The following DCP1A variants were observed in gnomAD, a reference collection of about 807,000 sequenced individuals.
The protein encoded by DCP1A is mRNA-decapping enzyme 1A.
In DCP1A, 20 loss-of-function variants were observed where a neutral mutation model predicts 58.0. The ratio of observed to expected loss-of-function variants is 0.34; its 90% CI spans 0.24 to 0.50. DCP1A has a LOEUF of 0.50. Among genes scored for constraint, DCP1A ranks in the 20% least tolerant of loss-of-function variants. The pLI is 0.98. For missense variants in DCP1A, 613 were observed against 712.2 expected (o/e 0.86, Z 1.59); for synonymous variants, 285 against 275.1 (o/e 1.04, Z -0.36).
chr3:53,305,482 T>G lies in DCP1A; in HGVS notation c.511-1192A>C, dbSNP rs551816602. 5.9e-5 allele frequency among the ~76,000 whole-genome samples: 9 copies of G among 152,146 alleles called. 1 individual carries two copies. Among genetic ancestry groups the G allele is most frequent in the African/African-American group, 9.6e-5 (4 of 41,514 alleles). ...CTCTTGCCTCAGCCTCCTGAGTAGCTGGGATTACAGGCGCGCGCCACCACA... is the reference window on the plus strand; with the variant it reads ...CTCTTGCCTCAGCCTCCTGAGTAGCGGGGATTACAGGCGCGCGCCACCACA... On this transcript the variant is annotated intron_variant, in intron 5 of 9. Coordinates refer to ENST00000610213, the MANE Select transcript of DCP1A (RefSeq NM_018403.7).
chr3:53,298,211 T>C (rs1258084750), intron 6 of DCP1A, among the ~76,000 whole-genome samples: 1 of 152,118 alleles, frequency 6.6e-6, no homozygotes, highest in Non-Finnish European at 1.5e-5. Flanking sequence ...GAGTGAGACG[T>C]TGTCTCTACA....
intron 3 of DCP1A, among the ~76,000 whole-genome samples, chr3:53,323,655 G>A (rs1049311230): frequency 6.6e-6 from 1 of 151,960 alleles, no homozygotes; most frequent in African/African-American, 2.4e-5. Context: ...ATCACCTGAG[G>A]TGAGGAGACC....
intron 6 of DCP1A, among the ~76,000 whole-genome samples, chr3:53,302,334 T>A (rs1315698849): frequency 2.0e-5 from 3 of 152,382 alleles, no homozygotes; most frequent in Middle Eastern, 6.8e-3. Context: ...ATTTGATATC[T>A]GTTCTTTTAT....
chr3:53,307,387 C>T (rs782584587), intron 5 of DCP1A, among the ~76,000 whole-genome samples: 41 of 152,222 alleles, frequency 2.7e-4, no homozygotes, highest in Non-Finnish European at 5.1e-4. Flanking sequence ...AAAACCTTAT[C>T]GGCAATAACT....
intron 3 of DCP1A, among the ~76,000 whole-genome samples, chr3:53,338,537 T>G (rs2089153761): frequency 6.6e-6 from 1 of 151,498 alleles, no homozygotes; most frequent in South Asian, 2.1e-4. Flanking sequence ...TCTTGAGGGG[T>G]GGGGTGGGTG....
rs1706632964 is a variant in DCP1A, at chr3:53,286,356, A to G, written c.*1224T>C. On this transcript the variant is annotated 3_prime_UTR_variant, in exon 10 of 10. Transcript: ENST00000610213. The stretch of plus-strand genomic sequence containing the variant: ...AATGACCTGTATCATAGAAACGAAG[A>G]CACTTTCATTCAAAGAATATCTTAA... The G allele has an allele frequency of 6.6e-6, 1 of 152,252 alleles. No individual in the cohort carries two copies. The allele number at this position is 152,252 out of a possible 1,614,324, so 9.4% of individuals were successfully genotyped here.
intron 6 of DCP1A, among the ~76,000 whole-genome samples, chr3:53,298,785 A>G (rs1233812746): frequency 1.3e-5 from 2 of 152,230 alleles, no homozygotes; most frequent in Non-Finnish European, 2.9e-5. Context: ...TGGAAATACT[A>G]TCATTTGGCA....
intron 7 of DCP1A, 136 bp from the exon 8 acceptor site, chr3:53,290,992 TC>T: frequency 2.6e-6 from 2 of 757,410 alleles, no homozygotes; most frequent in Non-Finnish European, 4.4e-6. Context: ...ATTAACTAGT[TC>T]CTAGATTCCC....
chr3:53,347,415 G>C lies in DCP1A; in HGVS notation c.103C>G (p.Leu35Val), dbSNP rs1553693273. The C allele has an allele frequency of 1.9e-6, 3 of 1,612,800 alleles. No homozygotes were observed. Among genetic ancestry groups the C allele is most frequent in the Non-Finnish European group, 2.5e-6 (3 of 1,179,328 alleles). ...TTGGCCTTGGGGCAGAAGGTGTACA[G>C]AGCGACCTGGCCCGTGAGGTCTGCG... is the stretch of plus-strand genomic sequence containing the variant. The part of the protein sequence containing the change: ...SIADLTGQVA[L>V]YTFCPKANQW... The change falls in exon 1 of 10, where the codon CTG becomes GTG. Residue 35 changes from leucine to valine, a missense_variant. This residue lies in a region of DCP1A where 65 missense variants were observed against 118.5 expected (regional missense o/e 0.55). Coordinates refer to ENST00000610213, the MANE Select transcript of DCP1A (RefSeq NM_018403.7).
intron 3 of DCP1A, among the ~76,000 whole-genome samples, chr3:53,333,402 C>G (rs1248588718): frequency 6.6e-6 from 1 of 152,086 alleles, no homozygotes; most frequent in Non-Finnish European, 1.5e-5. Flanking sequence ...CCTCGGCCTC[C>G]CAAAGTACTG....
intron 5 of DCP1A, among the ~76,000 whole-genome samples, chr3:53,306,397 CA>C (rs1707472404): frequency 6.6e-6 from 1 of 152,004 alleles, no homozygotes; most frequent in Non-Finnish European, 1.5e-5. Context: ...TTGTTCATAA[CA>C]AGTTCTTAAA....
At position 53,347,464 on chromosome 3, in the gene DCP1A, T is replaced by C. The variant is rs148239880; in HGVS notation, c.54A>G (p.Gln18=). 1.2e-6 allele frequency: 2 copies of C among 1,613,576 alleles called. No homozygotes were observed. Among genetic ancestry groups the C allele is most frequent in the Admixed American group, 1.7e-5 (1 of 59,992 alleles). The change falls in exon 1 of 10, where the codon CAA becomes CAG. Residue 18 remains glutamine, a synonymous_variant. Transcript: ENST00000610213. ...GQEMSLAALK[Q]HDPYITSIAD... is the part of the protein sequence containing the mutation. ...CGATGCTGGTGATATAGGGGTCGTG[T>C]TGCTTCAGGGCCGCTAGGCTCATCT...
At chr3:53,314,667 C>CTTTTTT (rs1167830951) in intron 4 of DCP1A, among the ~76,000 whole-genome samples, 964 of 86,506 alleles carry the variant, frequency 0.011, 1 homozygote, top group Non-Finnish European at 0.013. Context: ...TTTTCTTTTT[C>CTTTTTT]TTTTTTTTTT....
chr3:53,320,829 A>T (rs1301348522), intron 3 of DCP1A, among the ~76,000 whole-genome samples: 1 of 152,166 alleles, frequency 6.6e-6, no homozygotes, highest in Non-Finnish European at 1.5e-5. Context: ...CTATTTCTAC[A>T]ATGTTGTAAT....
chr3:53,291,463 A>C (rs1575592528), intron 7 of DCP1A, among the ~76,000 whole-genome samples: 2 of 144,196 alleles, frequency 1.4e-5, no homozygotes, highest in African/African-American at 2.6e-5. Flanking sequence ...CACCATCCCC[A>C]CCTCCCCCCA....
At chr3:53,304,708 G>C (rs1425615163) in intron 5 of DCP1A, among the ~76,000 whole-genome samples, 2 of 151,844 alleles carry the variant, frequency 1.3e-5, no homozygotes, top group Non-Finnish European at 2.9e-5. Flanking sequence ...GAGTAGCTGG[G>C]ATTACAGGTG....
At chr3:53,311,475 G>GA (rs1302185580) in intron 5 of DCP1A, among the ~76,000 whole-genome samples, 8 of 152,188 alleles carry the variant, frequency 5.3e-5, no homozygotes, top group East Asian at 3.9e-4. Flanking sequence ...ATAAATTAAC[G>GA]AAAGTACCAC....
At chr3:53,347,291 T>TA in intron 1 of DCP1A, 92 bp downstream of exon 1, 1 of 1,369,234 alleles carries the variant, frequency 7.3e-7, no homozygotes, top group African/African-American at 1.5e-5. Context: ...CCTGGCCTCT[T>TA]AGTGTGCCCC....
intron 4 of DCP1A, among the ~76,000 whole-genome samples, chr3:53,315,471 G>A (rs955213976): frequency 2.0e-5 from 3 of 150,356 alleles, no homozygotes; most frequent in African/African-American, 4.9e-5. Flanking sequence ...CCAGGAGGGC[G>A]GAGGTTACAG....
Sources: allele counts gnomAD v4.1 joint callset (sites outside exome capture counted in the v4.1 genomes callset), GRCh38; gene constraint gnomAD v4.1.1; regional missense constraint gnomAD v4.1.1; transcripts MANE v1.5; gene names NCBI Gene and HGNC (gene_info 2026-07-23, HGNC 2026-07-21).